The following RBMS1 variants were observed in gnomAD, a reference collection of about 807,000 sequenced individuals.
RBMS1 encodes RNA-binding motif, single-stranded-interacting protein 1.
Under a neutral mutation model 62.3 loss-of-function variants are expected in RBMS1, and 17 were observed. That is an observed-to-expected ratio of 0.27 (90% confidence interval 0.19 to 0.41). RBMS1 has a LOEUF of 0.41. RBMS1 is among the 10% of genes least tolerant of loss of function. The pLI, the probability that RBMS1 is intolerant of heterozygous loss-of-function variation, is 1.00. For missense variants in RBMS1, 334 were observed against 504.5 expected (o/e 0.66, Z 3.24); for synonymous variants, 172 against 170.0 (o/e 1.01, Z -0.09).
At chr2:160,367,774 G>GT (rs1257021448) in intron 1 of RBMS1, among the ~76,000 whole-genome samples, 1 of 152,070 alleles carries the variant, frequency 6.6e-6, no homozygotes, top group Non-Finnish European at 1.5e-5. Context: ...TCTGAAGAAC[G>GT]TTTGATTGAA....
At chr2:160,445,894 T>TTTTCATTCACCCCAC (rs1683620201) in intron 1 of RBMS1, among the ~76,000 whole-genome samples, 1 of 152,156 alleles carries the variant, frequency 6.6e-6, no homozygotes, top group Non-Finnish European at 1.5e-5. Flanking sequence ...CCCCACTGCC[T>TTTTCATTCACCCCAC]TGTTGCTGAG....
intron 1 of RBMS1, among the ~76,000 whole-genome samples, chr2:160,435,769 T>C (rs1473454878): frequency 6.6e-6 from 1 of 152,256 alleles, no homozygotes; most frequent in Non-Finnish European, 1.5e-5. Flanking sequence ...TGAATTATTT[T>C]AGGTCCAGAC....
intron 8 of RBMS1, 61 bp downstream of exon 8, chr2:160,284,934 C>T (rs1389634558): frequency 8.3e-6 from 13 of 1,572,428 alleles, no homozygotes; most frequent in Non-Finnish European, 1.1e-5. Flanking sequence ...GAACAAATGT[C>T]TGATATTTTC....
chr2:160,327,430 AT>A (rs200681355), intron 2 of RBMS1, among the ~76,000 whole-genome samples: 1 of 152,178 alleles, frequency 6.6e-6, no homozygotes, highest in Non-Finnish European at 1.5e-5. Context: ...GCTAAGATGC[AT>A]TTTTTTGCCA....
rs1230092593 is a variant in RBMS1 at position 160,407,907 on chromosome 2, A to C, written c.76-40516T>G. 3.1e-6 allele frequency: 3 copies of C among 980,300 alleles called. No homozygotes were observed. In the African/African-American group the frequency reaches 5.3e-5, roughly 17 times the overall value. 60.7% of individuals were successfully genotyped at this position (980,300 alleles called of 1,614,324 possible). ...CCGCGGCCTCAACCACCGCCCTGAG[A>C]GCGCGCCGGCCGGGGGCGGGGAGGC... On this transcript the variant is annotated intron_variant, in intron 1 of 13. Coordinates refer to ENST00000348849, the MANE Select transcript of RBMS1 (RefSeq NM_016836.4).
intron 1 of RBMS1, among the ~76,000 whole-genome samples, chr2:160,487,280 G>A (rs1273931724): frequency 1.3e-5 from 2 of 152,202 alleles, no homozygotes; most frequent in African/African-American, 2.4e-5. Context: ...ATGGCAAAGT[G>A]TTTAATCCTA....
chr2:160,472,372 CA>C (rs552690559), intron 1 of RBMS1, among the ~76,000 whole-genome samples: 2 of 151,958 alleles, frequency 1.3e-5, no homozygotes, highest in East Asian at 1.9e-4. Flanking sequence ...CTATTTTCCT[CA>C]AAAAAAATTG....
intron 1 of RBMS1, among the ~76,000 whole-genome samples, chr2:160,413,312 C>G (rs1387079758): frequency 2.0e-5 from 3 of 151,838 alleles, no homozygotes; most frequent in Non-Finnish European, 4.4e-5. Flanking sequence ...TAAGAGCTCA[C>G]AAAGCCTCTG....
intron 9 of RBMS1, chr2:160,284,449 G>A (rs897386416): frequency 2.9e-5 from 10 of 344,922 alleles, no homozygotes; most frequent in Admixed American, 8.8e-5. Context: ...TATATCTAAC[G>A]GCAATTATCT....
At chr2:160,417,607 G>C (rs1250687449) in intron 1 of RBMS1, among the ~76,000 whole-genome samples, 1 of 152,092 alleles carries the variant, frequency 6.6e-6, no homozygotes, top group Non-Finnish European at 1.5e-5. Context: ...GATGTTAATT[G>C]ACATTTGAAA....
intron 1 of RBMS1, among the ~76,000 whole-genome samples, chr2:160,472,821 G>T (rs532512238): frequency 3.9e-5 from 6 of 152,158 alleles, no homozygotes; most frequent in African/African-American, 1.4e-4. Context: ...TTCCATGGGG[G>T]TTTATGTGAA....
chr2:160,433,412 G>A (rs756357159), intron 1 of RBMS1, among the ~76,000 whole-genome samples: 7 of 152,106 alleles, frequency 4.6e-5, no homozygotes, highest in African/African-American at 1.4e-4. Flanking sequence ...AGACCTTGTC[G>A]CCAGAAAAAA....
At chr2:160,340,660 T>A (rs1691819253) in intron 2 of RBMS1, among the ~76,000 whole-genome samples, 1 of 152,090 alleles carries the variant, frequency 6.6e-6, no homozygotes, top group African/African-American at 2.4e-5. Flanking sequence ...GGCAAACTGT[T>A]ACCACCATCC....
chr2:160,429,327 T>C (rs1682789481), intron 1 of RBMS1, among the ~76,000 whole-genome samples: 1 of 152,160 alleles, frequency 6.6e-6, no homozygotes. Context: ...CAGGAGAAAG[T>C]GGGCATCTTC....
intron 6 of RBMS1, among the ~76,000 whole-genome samples, chr2:160,298,888 G>A (rs1467147536): frequency 6.6e-6 from 1 of 152,164 alleles, no homozygotes; most frequent in Non-Finnish European, 1.5e-5. Flanking sequence ...TACACAAAGA[G>A]GGAAGGTGCT....
chr2:160,485,202 C>T (rs1685548589), intron 1 of RBMS1, among the ~76,000 whole-genome samples: 1 of 152,150 alleles, frequency 6.6e-6, no homozygotes, highest in African/African-American at 2.4e-5. Context: ...GTGAAGAGGG[C>T]TCTCAGGGGA....
intron 2 of RBMS1, among the ~76,000 whole-genome samples, chr2:160,329,823 T>C (rs1559391396): frequency 6.6e-6 from 1 of 151,876 alleles, no homozygotes; most frequent in South Asian, 2.1e-4. Flanking sequence ...CCAATCTTGT[T>C]TTGAGAAACC....
chr2:160,380,864 C>A (rs1694254836), intron 1 of RBMS1, among the ~76,000 whole-genome samples: 1 of 152,096 alleles, frequency 6.6e-6, no homozygotes, highest in African/African-American at 2.4e-5. Context: ...AGTAGTTGCT[C>A]CAGTTACATA....
intron 2 of RBMS1, among the ~76,000 whole-genome samples, chr2:160,342,187 T>C (rs1169382513): frequency 1.3e-5 from 2 of 152,322 alleles, no homozygotes; most frequent in East Asian, 3.9e-4. Context: ...TCTAAATCTA[T>C]GTTCCCATAA....
Sources: gnomAD v4.1 joint callset for allele counts (sites outside exome capture counted in the v4.1 genomes callset) on GRCh38, gnomAD v4.1.1 for gene constraint, MANE v1.5 for transcripts, NCBI Gene and HGNC (gene_info 2026-07-23, HGNC 2026-07-21) for gene names.